The following TNS3 variants were observed in gnomAD, a reference collection of about 807,000 sequenced individuals.
TNS3 encodes tensin-3.
Under a neutral mutation model 140.9 loss-of-function variants are expected in TNS3, and 45 were observed. That is an observed-to-expected ratio of 0.32 (90% CI 0.25 to 0.41). The LOEUF (loss-of-function observed/expected upper bound fraction) is 0.41. Ranked by LOEUF, TNS3 falls within the 10% of genes least tolerant of loss-of-function variation. TNS3 has a pLI of 1.00. For synonymous variants in TNS3, 815 were observed against 788.4 expected, an observed-to-expected ratio of 1.03 and a Z score of -0.56; for missense variants, 1,716 against 1,906.7, an observed-to-expected ratio of 0.90 and a Z score of 1.86.
intron 8 of TNS3, among the ~76,000 whole-genome samples, chr7:47,430,727 CTT>C (rs34682970): frequency 5.2e-4 from 76 of 145,144 alleles, no homozygotes; most frequent in South Asian, 6.7e-4. Flanking sequence ...AGTATTTTTT[CTT>C]TTTTTTTTTT....
chr7:47,312,147 G>T (rs1439339053), intron 20 of TNS3, among the ~76,000 whole-genome samples: 1 of 152,212 alleles, frequency 6.6e-6, no homozygotes, highest in African/African-American at 2.4e-5. Context: ...GAATACATGT[G>T]CACGTTTTCT....
chr7:47,435,246 A>C (rs371971391), intron 8 of TNS3, 36 bp downstream of exon 8: 1 of 1,611,628 alleles, frequency 6.2e-7, no homozygotes, highest in East Asian at 2.2e-5. Flanking sequence ...GCTGAAGCCC[A>C]GCCAGACCCC....
chr7:47,579,993 G>A (rs1005520957), intron 1 of TNS3: 2 of 190,140 alleles, frequency 1.1e-5, no homozygotes, highest in African/African-American at 5.1e-5. Flanking sequence ...AGGTGCCAAA[G>A]AGACACTTTG....
chr7:47,374,818 TTGTGGTTCCTGGACATGGGTTGTGGG>T (rs1791282965), intron 16 of TNS3, among the ~76,000 whole-genome samples: 1 of 152,132 alleles, frequency 6.6e-6, no homozygotes, highest in Non-Finnish European at 1.5e-5. Flanking sequence ...AAACTCCCAT[TTGTGGTTCCTGGACATGGGTTGTGGG>T]TGGGGTTCCT....
chr7:47,571,663 C>A (rs1800561749), intron 1 of TNS3, among the ~76,000 whole-genome samples: 2 of 152,258 alleles, frequency 1.3e-5, no homozygotes. Context: ...CCCAGCTCAT[C>A]TTGGCATTGA....
intron 12 of TNS3, 23 bp downstream of exon 12, chr7:47,413,913 AG>A: frequency 6.2e-7 from 1 of 1,611,200 alleles, no homozygotes; most frequent in South Asian, 1.1e-5. Flanking sequence ...CCACAACAGC[AG>A]CAGCAGCAGC....
Position 47,291,936 on chromosome 7 carries a change from T to A in TNS3, c.3928+19A>T, listed in dbSNP as rs763747343. 1 of 1,613,406 alleles carries A rather than the reference T, an allele frequency of 6.2e-7. No homozygotes were observed. Among genetic ancestry groups the A allele is most frequent in the African/African-American group, 1.3e-5 (1 of 75,034 alleles). On this transcript the variant is annotated intron_variant, in intron 27 of 30. Transcript: ENST00000311160. ...TCTCCCCAGTCACCAGATGTAGAAA[T>A]GGAGCTGCATTTACTGACCTGCCCC...
At chr7:47,453,401 T>G (rs1353236314) in intron 4 of TNS3, among the ~76,000 whole-genome samples, 1 of 152,172 alleles carries the variant, frequency 6.6e-6, no homozygotes, top group East Asian at 1.9e-4. Context: ...TTCGAGCTGC[T>G]GGGAGGGCAG....
intron 8 of TNS3, among the ~76,000 whole-genome samples, chr7:47,428,987 C>T (rs1794798267): frequency 6.6e-6 from 1 of 152,170 alleles, no homozygotes; most frequent in Non-Finnish European, 1.5e-5. Flanking sequence ...GCAGGAGAAG[C>T]AGAAACTATT....
At chr7:47,406,337 G>A (rs1203824410) in intron 13 of TNS3, among the ~76,000 whole-genome samples, 1 of 152,208 alleles carries the variant, frequency 6.6e-6, no homozygotes, top group African/African-American at 2.4e-5. Flanking sequence ...GCTAGTAACT[G>A]AGTCCAGGGA....
intron 24 of TNS3, 86 bp from the exon 25 acceptor site, chr7:47,293,914 C>A: frequency 7.8e-7 from 1 of 1,275,722 alleles, no homozygotes. Context: ...AAGCCAGGAG[C>A]TACAGTTGAA....
Position 47,293,613 on chromosome 7 carries a change from G to A in TNS3, c.3772+120C>T, listed in dbSNP as rs1209568933. 6 of 802,008 alleles carry A rather than the reference G, an allele frequency of 7.5e-6. No individual in the cohort carries two copies. In the Admixed American group the frequency reaches 1.4e-4, roughly 18 times the overall value. The allele number at this position is 802,008 out of a possible 1,614,324, so 49.7% of individuals were successfully genotyped here. ...GCAGATCAGCAGGATTTCAGAACTG[G>A]GGACTGAAATATGAGTAAACCACCA... On this transcript the variant is annotated intron_variant, in intron 25 of 30. Transcript: ENST00000311160.
At chr7:47,341,004 C>T (rs1480754886) in intron 20 of TNS3, among the ~76,000 whole-genome samples, 1 of 152,072 alleles carries the variant, frequency 6.6e-6, no homozygotes, top group Non-Finnish European at 1.5e-5. Flanking sequence ...CTGATATAGT[C>T]GTGAGCTTTT....
chr7:47,299,559 T>G (rs540623215), intron 23 of TNS3, among the ~76,000 whole-genome samples: 1 of 152,270 alleles, frequency 6.6e-6, no homozygotes, highest in South Asian at 2.1e-4. Context: ...GTAAATAAAG[T>G]GTAGAAGCCT....
At chr7:47,338,051 T>A (rs1788732946) in intron 20 of TNS3, among the ~76,000 whole-genome samples, 1 of 152,052 alleles carries the variant, frequency 6.6e-6, no homozygotes, top group South Asian at 2.1e-4. Context: ...AATTCACTTA[T>A]TTTTATTGCT....
At chr7:47,434,284 T>G (rs1328614003) in intron 8 of TNS3, among the ~76,000 whole-genome samples, 1 of 151,008 alleles carries the variant, frequency 6.6e-6, no homozygotes, top group Non-Finnish European at 1.5e-5. Flanking sequence ...TTCTGTGCAG[T>G]TTTTTAGTGT....
At chr7:47,427,798 C>T (rs763040427) in intron 9 of TNS3, among the ~76,000 whole-genome samples, 15 of 152,338 alleles carry the variant, frequency 9.8e-5, no homozygotes, top group Non-Finnish European at 2.1e-4. Flanking sequence ...CTGAGCCTCA[C>T]CTCCCTCATC....
chr7:47,453,183 A>T, intron 4 of TNS3: 2 of 985,566 alleles, frequency 2.0e-6, no homozygotes, highest in Non-Finnish European at 2.4e-6. Flanking sequence ...GTGAGCACGC[A>T]GGCATGGAGC....
chr7:47,556,922 G>A (rs1800210043), intron 1 of TNS3: 2 of 425,346 alleles, frequency 4.7e-6, no homozygotes, highest in African/African-American at 4.0e-5. Context: ...AGAAGGGCAG[G>A]TTGCAGCCAA....
Sources: gnomAD v4.1 joint callset for allele counts (sites outside exome capture counted in the v4.1 genomes callset) on GRCh38, gnomAD v4.1.1 for gene constraint, MANE v1.5 for transcripts, NCBI Gene and HGNC (gene_info 2026-07-23, HGNC 2026-07-21) for gene names.